PDE1C: variants seen among roughly 807,000 people sequenced by gnomAD.
The protein encoded by PDE1C is dual specificity calcium/calmodulin-dependent 3',5'-cyclic nucleotide phosphodiesterase 1C.
PDE1C carries 62 observed loss-of-function variants against 93.1 expected under a neutral mutation model. That is an observed-to-expected ratio of 0.67 (90% CI 0.54 to 0.82). The LOEUF (loss-of-function observed/expected upper bound fraction) is 0.82, where lower values mean the gene tolerates loss of function less well. Among genes scored for constraint, PDE1C ranks in the 40% least tolerant of loss-of-function variants. The probability of loss-of-function intolerance (pLI) is 0.00; values close to 1 mark genes in which losing one functional copy is unlikely to be tolerated. For missense variants in PDE1C, 742 were observed against 884.6 expected, an observed-to-expected ratio of 0.84 and a Z score of 2.04; for synonymous variants, 325 against 310.1, an observed-to-expected ratio of 1.05 and a Z score of -0.50.
intron 2 of PDE1C, among the ~76,000 whole-genome samples, chr7:32,003,558 T>C (rs926050208): frequency 3.9e-5 from 6 of 152,230 alleles, no homozygotes; most frequent in African/African-American, 1.4e-4. Context: ...AATATGTCTT[T>C]TGGATAAAGT....
chr7:31,732,717 C>T, the PDE1C span, among the ~76,000 whole-genome samples: 38 of 150,692 alleles, frequency 2.5e-4, no homozygotes, highest in East Asian at 4.1e-3. Flanking sequence ...TACACCAAGA[C>T]ACTTAGAGCT....
chr7:31,820,165 T>C (rs940592743), intron 14 of PDE1C, among the ~76,000 whole-genome samples: 10 of 152,136 alleles, frequency 6.6e-5, no homozygotes, highest in South Asian at 6.2e-4. Flanking sequence ...CAAGACAATA[T>C]TATATTATGA....
the PDE1C span, chr7:31,686,779 T>C: frequency 6.6e-6 from 1 of 152,208 alleles, no homozygotes; most frequent in Non-Finnish European, 1.5e-5. Flanking sequence ...ACATAAATGT[T>C]AGCAGTAGCT....
chr7:32,251,623 C>T (rs1486703189), intron 1 of PDE1C, among the ~76,000 whole-genome samples: 2 of 152,146 alleles, frequency 1.3e-5, no homozygotes, highest in Non-Finnish European at 2.9e-5. Flanking sequence ...CCCCACCCTG[C>T]CCCCTCACAC....
intron 1 of PDE1C, among the ~76,000 whole-genome samples, chr7:32,220,662 A>T (rs952749023): frequency 2.2e-4 from 33 of 151,800 alleles, no homozygotes; most frequent in African/African-American, 7.7e-4. Context: ...AAAAAAATAT[A>T]AAAAAAATAG....
the PDE1C span, among the ~76,000 whole-genome samples, chr7:31,665,187 C>G: frequency 6.6e-6 from 1 of 152,144 alleles, no homozygotes; most frequent in South Asian, 2.1e-4. Context: ...TTTGCATTTG[C>G]TTTTCTACTT....
At position 31,773,738 on chromosome 7, in the gene PDE1C, C is replaced by T. The variant is rs556814465; in HGVS notation, c.1960+1926G>A. Among the ~76,000 whole-genome samples, 9 of 152,232 alleles carry T rather than the reference C, an allele frequency of 5.9e-5. 1 individual carries two copies. Among genetic ancestry groups the T allele is most frequent in the East Asian group, 1.9e-4 (1 of 5,150 alleles). On this transcript the variant is annotated intron_variant, in intron 17 of 17. Coordinates refer to ENST00000396191, the MANE Select transcript of PDE1C (RefSeq NM_001191057.4). ...TGGGAGGCTGCTCACTCACGCACCA[C>T]GTACCCAGCTTAGAAACATTAATGC...
At chr7:31,761,084 G>A (rs983578992) in intron 17 of PDE1C, among the ~76,000 whole-genome samples, 2 of 152,198 alleles carry the variant, frequency 1.3e-5, no homozygotes, top group African/African-American at 4.8e-5. Context: ...CTGATACTAT[G>A]TACTGGGCAT....
At chr7:31,877,303 C>T (rs907398816) in intron 5 of PDE1C, among the ~76,000 whole-genome samples, 1 of 152,110 alleles carries the variant, frequency 6.6e-6, no homozygotes, top group African/African-American at 2.4e-5. Context: ...CTATACAATT[C>T]CAAGAACTTG....
intron 1 of PDE1C, among the ~76,000 whole-genome samples, chr7:32,311,735 G>C (rs985563535): frequency 6.6e-6 from 1 of 151,956 alleles, no homozygotes; most frequent in Non-Finnish European, 1.5e-5. Context: ...CAATAAATTA[G>C]GTATTGATGG....
the PDE1C span, among the ~76,000 whole-genome samples, chr7:31,633,232 C>A: frequency 1.3e-5 from 2 of 152,108 alleles, no homozygotes; most frequent in Non-Finnish European, 2.9e-5. Flanking sequence ...AGAGTCCAAG[C>A]GAGCTGTCTT....
intron 2 of PDE1C, among the ~76,000 whole-genome samples, chr7:31,979,012 C>T (rs1370505516): frequency 1.3e-5 from 2 of 152,132 alleles, no homozygotes; most frequent in Non-Finnish European, 2.9e-5. Flanking sequence ...AGATGACAAA[C>T]ACTCAGGTAA....
chr7:31,834,947 C>A (rs977428577), intron 11 of PDE1C, among the ~76,000 whole-genome samples: 7 of 152,044 alleles, frequency 4.6e-5, no homozygotes, highest in African/African-American at 1.4e-4. Flanking sequence ...TGGGATGAAC[C>A]TGGTGAGAGA....
intron 15 of PDE1C, among the ~76,000 whole-genome samples, chr7:31,813,458 C>T (rs1787804940): frequency 6.6e-6 from 1 of 152,074 alleles, no homozygotes; most frequent in Non-Finnish European, 1.5e-5. Flanking sequence ...AGCAGACCAA[C>T]TCTGTGTTTC....
At chr7:32,060,998 G>A (rs760671936) in intron 1 of PDE1C, among the ~76,000 whole-genome samples, 4 of 152,060 alleles carry the variant, frequency 2.6e-5, no homozygotes, top group Non-Finnish European at 4.4e-5. Flanking sequence ...GATGTCAGTC[G>A]GAATTTGAAC....
At chr7:32,423,780 A>G (rs1439572188) in intron 1 of PDE1C, among the ~76,000 whole-genome samples, 1 of 152,230 alleles carries the variant, frequency 6.6e-6, no homozygotes, top group East Asian at 1.9e-4. Context: ...AATGTTGGCT[A>G]CACTTTGAAA....
intron 3 of PDE1C, among the ~76,000 whole-genome samples, chr7:32,107,374 GGGAA>G (rs1798383334): frequency 6.6e-6 from 1 of 151,816 alleles, no homozygotes; most frequent in South Asian, 2.1e-4. Flanking sequence ...GAGCAAGGGA[GGGAA>G]GGAAGGAATT....
chr7:31,642,121 C>T, the PDE1C span: 1 of 1,332,764 alleles, frequency 7.5e-7, no homozygotes, highest in Non-Finnish European at 1.0e-6. Context: ...TGATCCAAGT[C>T]CTGCTGGCTG....
intron 2 of PDE1C, among the ~76,000 whole-genome samples, chr7:31,925,039 CTGTGTG>C (rs70989622): frequency 0.16 from 21,728 of 135,080 alleles, 1,676 homozygotes; most frequent in East Asian, 0.22. Flanking sequence ...GTAGACATTT[CTGTGTG>C]TGTGTGTGTG....
Sources: gnomAD v4.1 joint callset for allele counts (sites outside exome capture counted in the v4.1 genomes callset) on GRCh38, gnomAD v4.1.1 for gene constraint, MANE v1.5 for transcripts, NCBI Gene and HGNC (gene_info 2026-07-23, HGNC 2026-07-21) for gene names.